The following MGST1 variants were observed in gnomAD, a reference collection of about 807,000 sequenced individuals.
The protein encoded by MGST1 is glutathione S-transferase 12.
A neutral mutation model predicts 8.9 loss-of-function variants in MGST1; 5 were observed. The observed-to-expected ratio is 0.56, with a 90% CI of 0.29 to 1.19. The LOEUF (loss-of-function observed/expected upper bound fraction) is 1.19. Among genes scored for constraint, MGST1 ranks in the 50% most tolerant of loss-of-function variants. MGST1 has a pLI of 0.08. For missense variants in MGST1, 182 were observed against 187.4 expected (o/e 0.97, Z 0.17); for synonymous variants, 54 against 67.8 (o/e 0.80, Z 1.00).
At chr12:16,357,904 G>T (rs1450024227) in intron 3 of MGST1, among the ~76,000 whole-genome samples, 2 of 152,182 alleles carry the variant, frequency 1.3e-5, no homozygotes, top group African/African-American at 4.8e-5. Context: ...GTACTTTTAT[G>T]TGTACTTTCT....
At position 16,555,079 on chromosome 12, in the gene MGST1, G is replaced by A. The variant is rs192783294; in HGVS notation, n.483-34449G>A. The stretch of plus-strand genomic sequence containing the variant: ...TGAAGCTAATAACTACCTATTTATG[G>A]GATATTTTGAGTATTAAACGAATGA... On this transcript the variant is annotated intron_variant and non_coding_transcript_variant, in intron 4 of 4. Transcript: ENST00000538857. This position sits in a 1 kb window ranked among gnomAD's most constrained non-coding sequence, Gnocchi z 5.5. 2.0e-5 allele frequency among the ~76,000 whole-genome samples: 3 copies of A among 152,260 alleles called. No homozygotes were observed. In the East Asian group the frequency reaches 5.8e-4, roughly 29 times the overall value.
chr12:16,432,731 C>CACAGAGAG lies in MGST1; in HGVS notation n.779-4656_779-4655insCAGAGAGA, dbSNP rs775306657. On this transcript the variant is annotated intron_variant and non_coding_transcript_variant, in intron 1 of 1. Transcript: ENST00000359720. ...ACACACACACACACACACACACACA[C>CACAGAGAG]AGAGAGAGAGAATATTGTCAGAGTT... 1.6e-3 allele frequency among the ~76,000 whole-genome samples: 210 copies of CACAGAGAG among 132,734 alleles called. 1 individual carries two copies. Among genetic ancestry groups the CACAGAGAG allele is most frequent in the South Asian group, 5.7e-3 (21 of 3,686 alleles). The allele number at this position is 132,734 out of a possible 152,430, so 87.1% of individuals were successfully genotyped here.
At chr12:16,366,648 CACACACACACACACACAT>C (rs71054809), downstream of MGST1, among the ~76,000 whole-genome samples, 39,751 of 138,804 alleles carry the variant, frequency 0.29, 5,362 homozygotes, top group Middle Eastern at 0.32. This position sits in a 1 kb window ranked among gnomAD's most constrained non-coding sequence, Gnocchi z 4.0. Flanking sequence ...CACACACACA[CACACACACACACACACAT>C]ACACACACAC....
In MGST1 at chr12:16,560,629, C is replaced by CATTGTGTATTGTAGCTT; in HGVS notation, n.483-28899_483-28898insATTGTGTATTGTAGCTT. ...GATGATGTTAATATACTCTGTAAAGCTACAATACACAATGCTTTATGATGT... is the reference window on the plus strand; with the variant it reads ...GATGATGTTAATATACTCTGTAAAGCATTGTGTATTGTAGCTTTACAATACACAATGCTTTATGATGT... On this transcript the variant is annotated intron_variant and non_coding_transcript_variant, in intron 4 of 4. Coordinates refer to the MGST1 transcript ENST00000538857. This position sits in a 1 kb window ranked among gnomAD's most constrained non-coding sequence, Gnocchi z 5.0. 1 of 1,126,298 alleles carries CATTGTGTATTGTAGCTT rather than the reference C, an allele frequency of 8.9e-7. No homozygotes were observed. Among genetic ancestry groups the CATTGTGTATTGTAGCTT allele is most frequent in the East Asian group, 2.5e-5 (1 of 40,688 alleles). 69.8% of individuals were successfully genotyped at this position (1,126,298 alleles called of 1,614,324 possible).
At chr12:16,501,098 G>GAAA (rs71054822) in intron 4 of MGST1, among the ~76,000 whole-genome samples, 122 of 83,384 alleles carry the variant, frequency 1.5e-3, no homozygotes, top group Non-Finnish European at 1.8e-3. Context: ...ACTCTGTCTC[G>GAAA]AAAAAAAAAA....
At chr12:16,507,674 GGCAA>G (rs770248887) in intron 4 of MGST1, among the ~76,000 whole-genome samples, 4 of 152,070 alleles carry the variant, frequency 2.6e-5, no homozygotes, top group Non-Finnish European at 4.4e-5. Context: ...GTGAAGGGAG[GGCAA>G]GCACATCTTT....
At chr12:16,487,186 T>C (rs1376597941) in intron 4 of MGST1, among the ~76,000 whole-genome samples, 1 of 152,188 alleles carries the variant, frequency 6.6e-6, no homozygotes, top group Non-Finnish European at 1.5e-5. Context: ...ATAACATTTG[T>C]GTGTCCTCTC....
chr12:16,456,882 C>T (rs749364836), intron 4 of MGST1, among the ~76,000 whole-genome samples: 2 of 151,836 alleles, frequency 1.3e-5, no homozygotes, highest in Non-Finnish European at 2.9e-5. Flanking sequence ...TTTGTTTCTC[C>T]ACTTCTTCCT....
chr12:16,520,969 T>C (rs984238553), intron 4 of MGST1, among the ~76,000 whole-genome samples: 4 of 152,124 alleles, frequency 2.6e-5, no homozygotes. Context: ...TGCAATCCAA[T>C]GGGTGTTGTC....
intron 1 of MGST1, among the ~76,000 whole-genome samples, chr12:16,396,897 A>G (rs527370830): frequency 6.6e-6 from 1 of 152,300 alleles, no homozygotes; most frequent in South Asian, 2.1e-4. Flanking sequence ...ATTCCCATCA[A>G]AATACCACCA....
intron 4 of MGST1, among the ~76,000 whole-genome samples, chr12:16,554,630 T>C (rs893292466): frequency 6.6e-6 from 1 of 152,158 alleles, no homozygotes; most frequent in Non-Finnish European, 1.5e-5. Flanking sequence ...TATTCAAAGT[T>C]TACCTTACTT....
At chr12:16,459,826 G>A (rs556569868) in intron 4 of MGST1, among the ~76,000 whole-genome samples, 1 of 152,022 alleles carries the variant, frequency 6.6e-6, no homozygotes, top group Non-Finnish European at 1.5e-5. Context: ...CTTTGCGTAT[G>A]GCCTGGATTG....
In MGST1 at chr12:16,445,347, A is replaced by C. The variant is rs998370140; in HGVS notation, n.482+61743A>C. Reference sequence around the variant, plus strand: ...TTATGTTAGGCACTAGACACTGCTGAGTTGATAGACCCTTGAAGATATAAT... The same window carrying C: ...TTATGTTAGGCACTAGACACTGCTGCGTTGATAGACCCTTGAAGATATAAT... On this transcript the variant is annotated intron_variant and non_coding_transcript_variant, in intron 4 of 4. Coordinates refer to the MGST1 transcript ENST00000538857. 2.6e-5 allele frequency among the ~76,000 whole-genome samples: 4 copies of C among 151,856 alleles called. 1 individual carries two copies. The highest frequency in any genetic ancestry group is 5.9e-5 in the Non-Finnish European group (4 of 67,894).
rs954738042 is a variant in MGST1, at chr12:16,400,184, T to C, written n.778+16580T>C. 2.1e-5 allele frequency: 23 copies of C among 1,083,560 alleles called. No individual in the cohort carries two copies. In the African/African-American group the frequency reaches 3.1e-4, roughly 15 times the overall value. 67.1% of individuals were successfully genotyped at this position (1,083,560 alleles called of 1,614,324 possible). ...ATATGTTGATGTTTCCCTAAGTCCG[T>C]GGTTGTCTCTCCCACTTCTGTGTAG... On this transcript the variant is annotated intron_variant and non_coding_transcript_variant, in intron 1 of 1. Transcript: ENST00000359720.
chr12:16,452,425 T>C (rs1490744323), intron 4 of MGST1, among the ~76,000 whole-genome samples: 1 of 151,616 alleles, frequency 6.6e-6, no homozygotes, highest in East Asian at 1.9e-4. Context: ...GGAAACTGTT[T>C]GGTTGTCATC....
At chr12:16,390,986 T>G (rs191460352) in intron 1 of MGST1, among the ~76,000 whole-genome samples, 164 of 152,290 alleles carry the variant, frequency 1.1e-3, no homozygotes, top group Admixed American at 1.8e-3. Context: ...TTTTGACTTT[T>G]TAGTAATAGC....
chr12:16,472,614 T>C (rs907564683), intron 4 of MGST1, among the ~76,000 whole-genome samples: 16 of 152,220 alleles, frequency 1.1e-4, no homozygotes, highest in Non-Finnish European at 1.5e-5. Flanking sequence ...TAATAAACTC[T>C]CTTTCTACAA....
intron 1 of MGST1, among the ~76,000 whole-genome samples, chr12:16,391,368 C>T (rs902820337): frequency 3.3e-5 from 5 of 151,214 alleles, no homozygotes; most frequent in African/African-American, 1.2e-4. Flanking sequence ...TCCCTGTGTC[C>T]ATGTGTTCTC....
At chr12:16,386,972 G>A (rs1940509156) in intron 1 of MGST1, among the ~76,000 whole-genome samples, 1 of 152,134 alleles carries the variant, frequency 6.6e-6, no homozygotes, top group African/African-American at 2.4e-5. Context: ...GCATTGCAGT[G>A]TTTGTGTTCA....
Sources: gnomAD v4.1 joint callset for allele counts (sites outside exome capture counted in the v4.1 genomes callset) on GRCh38, gnomAD v4.1.1 for gene constraint, Gnocchi (gnomAD v3.1) non-coding constraint, MANE v1.5 for transcripts, NCBI Gene and HGNC (gene_info 2026-07-23, HGNC 2026-07-21) for gene names.